NFRKB: variants seen among roughly 807,000 people sequenced by gnomAD.
NFRKB encodes the protein nuclear factor related to kappa-B-binding protein.
Under a neutral mutation model 135.7 loss-of-function variants are expected in NFRKB, and 62 were observed. That is an observed-to-expected ratio of 0.46 (90% CI 0.37 to 0.56). The LOEUF (loss-of-function observed/expected upper bound fraction) is 0.56. Among genes scored for constraint, NFRKB ranks in the 20% least tolerant of loss-of-function variants. The pLI, the probability that NFRKB is intolerant of heterozygous loss-of-function variation, is 0.00. For synonymous variants in NFRKB, 678 were observed against 635.6 expected, an observed-to-expected ratio of 1.07 and a Z score of -1.00; for missense variants, 1,545 against 1,662.0, an observed-to-expected ratio of 0.93 and a Z score of 1.22.
chr11:129,881,320 A>G, intron 13 of NFRKB, 123 bp downstream of exon 13: 5 of 948,116 alleles, frequency 5.3e-6, no homozygotes, highest in Admixed American at 2.0e-5. Context: ...ACAGAGCAAA[A>G]TAAGGTCTGA....
rs370572870 is a variant in NFRKB, at chr11:129,873,935, G to A, written c.2360C>T (p.Ser787Phe). 7 of 1,613,402 alleles carry A rather than the reference G, an allele frequency of 4.3e-6. No homozygotes were observed. The highest frequency in any genetic ancestry group is 1.7e-5 in the Admixed American group (1 of 60,016). ...GCTCACGACCCGGGCGGCAGCCTGA[G>A]AACTGGGTGCAGTCTGGCTGGAAGC... ...SPASSQTAPS[S>F]QAAARVVSHS... The change falls in exon 22 of 27, where the codon TCT becomes TTT. Residue 787 changes from serine (S) to phenylalanine (F), a missense_variant. By Grantham distance (155) the Ser-to-Phe change is radical. Around this residue, in one of 3 missense-constraint regions of NFRKB, gnomAD observed 753 missense variants for 804.3 expected, o/e 0.94. Transcript: ENST00000682444.
intron 5 of NFRKB, among the ~76,000 whole-genome samples, chr11:129,885,859 T>C (rs963056229): frequency 1.3e-5 from 2 of 152,224 alleles, no homozygotes; most frequent in Non-Finnish European, 2.9e-5. Context: ...CATTCAAGTA[T>C]TTCTACACCA....
rs199645138 is a variant in NFRKB, at chr11:129,869,698, G to A, written c.3327C>T (p.Thr1109=). 1 of 1,614,236 alleles carries A rather than the reference G, an allele frequency of 6.2e-7. No individual in the cohort carries two copies. Among genetic ancestry groups the A allele is most frequent in the African/African-American group, 1.3e-5 (1 of 75,064 alleles). ...CCACCGAGGCCCCTTGCTTGGCGTG[G>A]GTTGCAACGGTGATGGTCTGGCCTG... ...PKAGQTITVA[T]HAKQGASVAS... Residue 1109 remains threonine, a synonymous_variant, in exon 24 of 27, where the codon ACC becomes ACT. Transcript: ENST00000682444.
At chr11:129,885,047 C>A (rs1949208482) in intron 6 of NFRKB, among the ~76,000 whole-genome samples, 1 of 152,162 alleles carries the variant, frequency 6.6e-6, no homozygotes, top group South Asian at 2.1e-4. Flanking sequence ...GAGACTTCAA[C>A]AGAGTGCTGG....
Position 129,869,568 on chromosome 11 carries a change from TG to T in NFRKB, c.3456del (p.Ile1153SerfsTer38). 1.2e-6 allele frequency: 2 copies of T among 1,614,174 alleles called. No homozygotes were observed. Among genetic ancestry groups the T allele is most frequent in the Non-Finnish European group, 1.7e-6 (2 of 1,180,038 alleles). On this transcript the variant is annotated frameshift_variant, in exon 24 of 27. Coordinates refer to ENST00000682444, the MANE Select transcript of NFRKB (RefSeq NM_001143835.2). LOFTEE classifies it high-confidence loss of function. ...GTGGGGGCTCCTGTGCTGATGCTGA[TG>T]GGGGTGCTTGCAGCCCCAGAAGCCA... The part of the protein sequence containing the change: ...VAVASGAAST[P>X]ISISTGAPTV...
At chr11:129,889,105 G>A (rs751015824) in intron 3 of NFRKB, among the ~76,000 whole-genome samples, 3 of 151,892 alleles carry the variant, frequency 2.0e-5, no homozygotes, top group Non-Finnish European at 2.9e-5. Flanking sequence ...GGGATTACAG[G>A]TGCGCACCAC....
chr11:129,872,264 GT>G (rs1948547542), intron 23 of NFRKB, among the ~76,000 whole-genome samples: 1 of 151,896 alleles, frequency 6.6e-6, no homozygotes, highest in South Asian at 2.1e-4. Context: ...TCTGTTTAAT[GT>G]ACCATTAAAT....
chr11:129,893,387 T>TAGA, intron 2 of NFRKB: 1 of 5,332 alleles, frequency 1.9e-4, no homozygotes, highest in South Asian at 2.1e-3. Context: ...ACCCCTTCTC[T>TAGA]ACAAAAAAAA....
intron 6 of NFRKB, among the ~76,000 whole-genome samples, 184 bp downstream of exon 6, chr11:129,885,251 T>A (rs1490209177): frequency 6.6e-6 from 1 of 152,182 alleles, no homozygotes; most frequent in Admixed American, 6.5e-5. Context: ...TCACTCCCCA[T>A]CTGATGGCAA....
In NFRKB at chr11:129,892,305, G is replaced by GT. The variant is rs531055304; in HGVS notation, c.135+409dup. 7.2e-5 allele frequency among the ~76,000 whole-genome samples: 11 copies of GT among 151,980 alleles called. 1 individual carries two copies. Among genetic ancestry groups the GT allele is most frequent in the Non-Finnish European group, 1.3e-4 (9 of 68,032 alleles). On this transcript the variant is annotated intron_variant, in intron 3 of 26. Transcript: ENST00000682444. ...CACTTATAAGTGAGAATGATGTTTGGTTTTCCATTCCCAAGTTCCTTCACT... is the reference window on the plus strand; with the variant it reads ...CACTTATAAGTGAGAATGATGTTTGGTTTTTCCATTCCCAAGTTCCTTCACT...
intron 4 of NFRKB, among the ~76,000 whole-genome samples, chr11:129,887,710 A>G (rs548062031): frequency 6.6e-6 from 1 of 152,304 alleles, no homozygotes; most frequent in Admixed American, 6.5e-5. Flanking sequence ...TTACACAGCT[A>G]CTCTAAAGGA....
rs1347649955 is a variant in NFRKB, at chr11:129,874,570, G to A, written c.1989C>T (p.His663=). ...DRSEEEFERI[H]QAQAAAAKAR... is the part of the protein sequence containing the mutation. ...CTTTAGCTGCAGCTGCTTGTGCTTG[G>A]TGAATCCGCTCTGTGAACAAGAGGG... Residue 663 remains histidine (H), a synonymous_variant, in exon 20 of 27, where the codon CAC becomes CAT. Coordinates refer to ENST00000682444, the MANE Select transcript of NFRKB (RefSeq NM_001143835.2). This position sits in a 1 kb window ranked among gnomAD's most constrained non-coding sequence, Gnocchi z 4.5. 4.3e-6 allele frequency: 7 copies of A among 1,614,094 alleles called. No homozygotes were observed. Among genetic ancestry groups the A allele is most frequent in the Non-Finnish European group, 5.9e-6 (7 of 1,180,026 alleles).
chr11:129,865,899 T>C lies in NFRKB; in HGVS notation c.3616A>G (p.Ile1206Val). Residue 1206 changes from isoleucine (I) to valine (V), a missense_variant, in exon 25 of 27, where the codon ATC becomes GTC. Physicochemically the swap from Ile to Val is conservative, Grantham distance 29. Transcript: ENST00000682444. ...TACTTGGCTCCAAGGTTGCCTTTGATGATGGGGGCTGTGACCACGCTCTTG... is the reference window on the plus strand; with the variant it reads ...TACTTGGCTCCAAGGTTGCCTTTGACGATGGGGGCTGTGACCACGCTCTTG... ...KGKSVVTAPI[I>V]KGNLGANLSG... 6.2e-7 allele frequency: 1 copy of C among 1,614,056 alleles called. No homozygotes were observed. The highest frequency in any genetic ancestry group is 8.5e-7 in the Non-Finnish European group (1 of 1,180,002).
At chr11:129,893,091 TAC>T in intron 2 of NFRKB, 1 of 1,408,394 alleles carries the variant, frequency 7.1e-7, no homozygotes, top group South Asian at 1.6e-5. Context: ...AGAATGCTCC[TAC>T]AGTAACTCCT....
chr11:129,873,517 G>A (rs79808222), intron 22 of NFRKB, among the ~76,000 whole-genome samples: 2,271 of 152,252 alleles, frequency 0.015, 50 homozygotes, highest in African/African-American at 0.049. Context: ...TTAGGGTCCC[G>A]GGGAAACCAC....
chr11:129,865,811 G>A, intron 25 of NFRKB, 66 bp downstream of exon 25: 1 of 1,426,856 alleles, frequency 7.0e-7, no homozygotes, highest in South Asian at 1.2e-5. Flanking sequence ...CGGTGACAAG[G>A]ACTGGTAAGC....
intron 16 of NFRKB, 29 bp downstream of exon 16, chr11:129,877,296 G>A (rs1252932565): frequency 4.3e-6 from 7 of 1,611,810 alleles, no homozygotes; most frequent in Non-Finnish European, 5.9e-6. Context: ...CACAGAGGCA[G>A]AGACTTACAC....
Position 129,864,672 on chromosome 11 carries a change from T to TCAGC in NFRKB, c.*49_*52dup. On this transcript the variant is annotated 3_prime_UTR_variant, in exon 27 of 27. Transcript: ENST00000682444. ...ATGATGCAACCTCCCTGGTCCCTTC[T>TCAGC]CAGCCAGGACAGACCAGGCATGGTC... 1 of 1,611,332 alleles carries TCAGC rather than the reference T, an allele frequency of 6.2e-7. No homozygotes were observed. The highest frequency in any genetic ancestry group is 8.5e-7 in the Non-Finnish European group (1 of 1,178,538).
chr11:129,894,812 C>A (rs527269906), intron 1 of NFRKB, among the ~76,000 whole-genome samples: 1 of 152,190 alleles, frequency 6.6e-6, no homozygotes, highest in Admixed American at 6.5e-5. Context: ...GCAGAAGCAA[C>A]CTGATGCTCA....
Sources: gnomAD v4.1 joint callset for allele counts (sites outside exome capture counted in the v4.1 genomes callset) on GRCh38, gnomAD v4.1.1 for gene constraint, gnomAD v4.1.1 regional missense constraint, Gnocchi (gnomAD v3.1) non-coding constraint, MANE v1.5 for transcripts, NCBI Gene and HGNC (gene_info 2026-07-23, HGNC 2026-07-21) for gene names.